CPM: variants seen among roughly 807,000 people sequenced by gnomAD.
CPM encodes renal carboxypeptidase.
Under a neutral mutation model 46.4 loss-of-function variants are expected in CPM, and 35 were observed. The observed-to-expected ratio is 0.75, with a 90% CI of 0.58 to 1.00. The LOEUF is 1.00. CPM is among the 50% of genes least tolerant of loss of function. The pLI is 0.00. For synonymous variants in CPM, 195 were observed against 195.3 expected (o/e 1.00, Z 0.01); for missense variants, 422 against 530.4 (o/e 0.80, Z 2.01).
intron 5 of CPM, chr12:68,846,055 G>A (rs1884272637): frequency 6.6e-6 from 1 of 151,314 alleles, no homozygotes; most frequent in African/African-American, 2.4e-5. Context: ...CCAGGTTCAA[G>A]CAATTCTGCC....
chr12:68,940,421 C>T (rs1165348612), intron 1 of CPM, among the ~76,000 whole-genome samples: 1 of 150,514 alleles, frequency 6.6e-6, no homozygotes, highest in Admixed American at 6.7e-5. Flanking sequence ...CCTAGTGATC[C>T]CCTGTGCTCC....
At chr12:68,947,407 G>A (rs541314254) in intron 1 of CPM, among the ~76,000 whole-genome samples, 13 of 152,088 alleles carry the variant, frequency 8.5e-5, no homozygotes, top group African/African-American at 2.9e-4. Flanking sequence ...GACCAGCCTG[G>A]CCAACATGGC....
At chr12:68,874,994 T>C (rs1374079295) in intron 3 of CPM, among the ~76,000 whole-genome samples, 2 of 152,126 alleles carry the variant, frequency 1.3e-5, no homozygotes, top group Non-Finnish European at 2.9e-5. Flanking sequence ...CTAGGTTGAG[T>C]TGGTATTCTG....
Position 68,853,108 on chromosome 12 carries a change from A to G in CPM, c.*3329T>C, listed in dbSNP as rs1386821799. 6.6e-6 allele frequency: 1 copy of G among 152,216 alleles called. No homozygotes were observed. Among genetic ancestry groups the G allele is most frequent in the African/African-American group, 2.4e-5 (1 of 41,442 alleles). 9.4% of individuals were successfully genotyped at this position (152,216 alleles called of 1,614,324 possible). On this transcript the variant is annotated 3_prime_UTR_variant, in exon 9 of 9. Coordinates refer to ENST00000551568, the MANE Select transcript of CPM (RefSeq NM_198320.5). ...CTTTAAATGATTTTGAGTCTGATAG[A>G]TAACTAAATTCTGATTTTAAAAACT...
In CPM at chr12:68,854,254, C is replaced by A. The variant is rs1426156312; in HGVS notation, c.*2183G>T. On this transcript the variant is annotated 3_prime_UTR_variant, in exon 9 of 9. Coordinates refer to ENST00000551568, the MANE Select transcript of CPM (RefSeq NM_198320.5). ...AGCCCTAGGCAGTTTCTGGGAAGGA[C>A]TGGGAGTAGCAGTCTCCTGGCACCC... The A allele has an allele frequency of 6.6e-6, 1 of 152,202 alleles. No individual in the cohort carries two copies. Among genetic ancestry groups the A allele is most frequent in the Non-Finnish European group, 1.5e-5 (1 of 68,044 alleles). 9.4% of individuals were successfully genotyped at this position (152,202 alleles called of 1,614,324 possible). A position where few individuals can be genotyped will look rare whatever the true frequency, so the allele number is the denominator to read the frequency against.
chr12:68,930,025 G>A (rs888373985), intron 2 of CPM, among the ~76,000 whole-genome samples: 1 of 152,082 alleles, frequency 6.6e-6, no homozygotes, highest in African/African-American at 2.4e-5. Flanking sequence ...GACTGCCCAC[G>A]TTAATACATG....
chr12:68,901,052 G>A (rs1452928371), intron 2 of CPM, among the ~76,000 whole-genome samples: 1 of 152,204 alleles, frequency 6.6e-6, no homozygotes, highest in Non-Finnish European at 1.5e-5. Context: ...CGCGTGTGGG[G>A]ATAGGGACAA....
chr12:68,872,596 A>G (rs1286292595), intron 3 of CPM, among the ~76,000 whole-genome samples: 1 of 152,144 alleles, frequency 6.6e-6, no homozygotes, highest in Non-Finnish European at 1.5e-5. Context: ...TTGCCTTCCA[A>G]AGTATCTTCT....
At chr12:68,885,740 C>T (rs1264469247) in intron 3 of CPM, 52 bp downstream of exon 3, 20 of 1,434,510 alleles carry the variant, frequency 1.4e-5, no homozygotes, top group Non-Finnish European at 1.9e-5. Context: ...CTCAAGAGAC[C>T]CTAGGGGAAG....
chr12:68,871,894 G>T lies in CPM; in HGVS notation c.321C>A (p.Asp107Glu), dbSNP rs1436244285. ...TATTGATCAGATTTGTGATTTCAGG[G>T]TCTTTGCCATCACTGGTTACGAGAT... ...IDYLVTSDGKDPEITNLINST... is the reference protein window; with the variant it reads ...IDYLVTSDGKEPEITNLINST... Residue 107 changes from aspartate to glutamate, a missense_variant, in exon 4 of 9, where the codon GAC becomes GAA. Coordinates refer to ENST00000551568, the MANE Select transcript of CPM (RefSeq NM_198320.5). The T allele has an allele frequency of 1.2e-6, 2 of 1,614,086 alleles. No individual in the cohort carries two copies. The highest frequency in any genetic ancestry group is 1.3e-5 in the African/African-American group (1 of 75,004).
intron 7 of CPM, 176 bp downstream of exon 7, chr12:68,866,720 C>T: frequency 1.7e-6 from 1 of 579,260 alleles, no homozygotes; most frequent in Non-Finnish European, 3.0e-6. Flanking sequence ...GTGGGCACTG[C>T]ATTTCTCACA....
chr12:68,929,506 TTTC>T, intron 2 of CPM, among the ~76,000 whole-genome samples: 1 of 152,330 alleles, frequency 6.6e-6, no homozygotes, highest in Non-Finnish European at 1.5e-5. Flanking sequence ...CACCTAAGAT[TTTC>T]TTTACTATGT....
intron 1 of CPM, among the ~76,000 whole-genome samples, chr12:68,947,724 A>G (rs1888870661): frequency 6.6e-6 from 1 of 151,984 alleles, no homozygotes; most frequent in Non-Finnish European, 1.5e-5. Flanking sequence ...GGCTGACTGC[A>G]ACCTTGACTT....
intron 2 of CPM, among the ~76,000 whole-genome samples, chr12:68,905,545 T>C (rs1887308878): frequency 6.6e-6 from 1 of 152,084 alleles, no homozygotes; most frequent in Non-Finnish European, 1.5e-5. Flanking sequence ...CCTCCCAAAA[T>C]GCTAGGATTC....
chr12:68,916,669 T>C (rs1240822574), intron 2 of CPM, among the ~76,000 whole-genome samples: 2 of 152,108 alleles, frequency 1.3e-5, no homozygotes, highest in African/African-American at 2.4e-5. Flanking sequence ...GGCAGGCAGA[T>C]CACAAGGTCA....
intron 3 of CPM, among the ~76,000 whole-genome samples, chr12:68,873,653 G>C (rs1885807239): frequency 7.0e-6 from 1 of 142,604 alleles, no homozygotes; most frequent in African/African-American, 2.7e-5. Flanking sequence ...GGGTGACAGA[G>C]TGAGACCCTG....
intron 2 of CPM, among the ~76,000 whole-genome samples, chr12:68,906,879 A>G (rs1201645659): frequency 1.3e-5 from 2 of 152,218 alleles, no homozygotes; most frequent in Non-Finnish European, 2.9e-5. Flanking sequence ...ACTGTTGTAT[A>G]AATGTAAATC....
chr12:68,962,965 G>C (rs1242670915), intron 1 of CPM, among the ~76,000 whole-genome samples: 1 of 152,206 alleles, frequency 6.6e-6, no homozygotes, highest in East Asian at 1.9e-4. Context: ...TGTATTGATT[G>C]ATGTCTCATG....
At chr12:68,955,186 C>T (rs901043139) in intron 1 of CPM, among the ~76,000 whole-genome samples, 9 of 152,196 alleles carry the variant, frequency 5.9e-5, no homozygotes, top group African/African-American at 2.2e-4. Context: ...GGCAAAGGTG[C>T]CGCCAGCCAC....
Sources: allele counts gnomAD v4.1 joint callset (sites outside exome capture counted in the v4.1 genomes callset), GRCh38; gene constraint gnomAD v4.1.1; transcripts MANE v1.5; gene names NCBI Gene and HGNC (gene_info 2026-07-23, HGNC 2026-07-21).